ARHGEF26: variants seen among roughly 807,000 people sequenced by gnomAD.
ARHGEF26 encodes the protein Rho guanine nucleotide exchange factor 26.
ARHGEF26 carries 59 observed loss-of-function variants against 89.4 expected under a neutral mutation model. The observed-to-expected ratio is 0.66, with a 90% CI of 0.54 to 0.82. The LOEUF is 0.82. ARHGEF26 is among the 40% of genes least tolerant of loss of function. The pLI is 0.00. For synonymous variants in ARHGEF26, 500 were observed against 428.4 expected (o/e 1.17, Z -2.06); for missense variants, 1,234 against 1,085.6 (o/e 1.14, Z -1.92).
At chr3:154,235,253 T>G (rs1205947752) in intron 11 of ARHGEF26, among the ~76,000 whole-genome samples, 1 of 152,220 alleles carries the variant, frequency 6.6e-6, no homozygotes, top group East Asian at 1.9e-4. Context: ...TTTCTATTCA[T>G]TAATTTGGGC....
At chr3:154,137,268 AAG>A (rs553679851) in intron 4 of ARHGEF26, among the ~76,000 whole-genome samples, 112 of 152,214 alleles carry the variant, frequency 7.4e-4, no homozygotes, top group African/African-American at 2.6e-3. Context: ...TAGGAAGAGG[AAG>A]AGAGACCTGA....
chr3:154,239,283 AGAGAGAGAGAGAGAGAGTGTGTGTGTGT>A (rs1220992593), intron 11 of ARHGEF26, among the ~76,000 whole-genome samples: 27 of 104,158 alleles, frequency 2.6e-4, no homozygotes, highest in Middle Eastern at 5.0e-3. Context: ...AGAGAGAGAG[AGAGAGAGAGAGAGAGAGTGTGTGTGTGT>A]GTGTGTGTGT....
intron 12 of ARHGEF26, among the ~76,000 whole-genome samples, chr3:154,251,716 C>T (rs1324691166): frequency 6.6e-6 from 1 of 151,986 alleles, no homozygotes; most frequent in Non-Finnish European, 1.5e-5. Context: ...ATATGTTGAG[C>T]AAAAGAAGCC....
At position 154,194,736 on chromosome 3, in the gene ARHGEF26, G is replaced by A; in HGVS notation, c.1845+18G>A. 1.2e-6 allele frequency: 2 copies of A among 1,603,752 alleles called. No homozygotes were observed. Among genetic ancestry groups the A allele is most frequent in the Non-Finnish European group, 1.7e-6 (2 of 1,173,310 alleles). On this transcript the variant is annotated intron_variant, in intron 9 of 14. Coordinates refer to ENST00000465093, the MANE Select transcript of ARHGEF26 (RefSeq NM_015595.4). Reference sequence around the variant, plus strand: ...TTAGCAAGGTAACTGTTGGGTGACAGTTTGTTTGTAAGACAGGAAACCATT... The same window carrying A: ...TTAGCAAGGTAACTGTTGGGTGACAATTTGTTTGTAAGACAGGAAACCATT...
chr3:154,245,394 T>C (rs1717744956), intron 12 of ARHGEF26, among the ~76,000 whole-genome samples: 1 of 152,232 alleles, frequency 6.6e-6, no homozygotes, highest in African/African-American at 2.4e-5. Context: ...TAGGATATCA[T>C]ATGGGTTAGA....
intron 6 of ARHGEF26, among the ~76,000 whole-genome samples, chr3:154,183,779 A>G (rs545181966): frequency 1.3e-5 from 2 of 152,182 alleles, no homozygotes; most frequent in Non-Finnish European, 2.9e-5. Flanking sequence ...TACTTTGGCA[A>G]ACCTTTCACA....
At chr3:154,138,535 C>T (rs1479372408) in intron 4 of ARHGEF26, among the ~76,000 whole-genome samples, 3 of 152,146 alleles carry the variant, frequency 2.0e-5, no homozygotes, top group African/African-American at 7.2e-5. Context: ...ATTGATTCTT[C>T]TGAGAGAACA....
chr3:154,235,428 AT>A (rs1323274681), intron 11 of ARHGEF26, among the ~76,000 whole-genome samples: 1 of 152,158 alleles, frequency 6.6e-6, no homozygotes, highest in Non-Finnish European at 1.5e-5. Context: ...TACAAAAGCC[AT>A]TTTTTAACAC....
rs569156996 is a variant in ARHGEF26, at chr3:154,158,508, T to C, written c.1487+5576T>C. Among the ~76,000 whole-genome samples the C allele has an allele frequency of 2.0e-4, 31 of 152,292 alleles. 1 individual carries two copies. In the Middle Eastern group the frequency reaches 0.01, roughly 50 times the overall value. ...TAGAGCTAAATTCTTTAAATTTAGG[T>C]AGTACCTAGATGACTTTGGGTCAGT... On this transcript the variant is annotated intron_variant, in intron 6 of 14. Transcript: ENST00000465093.
rs1258528793 is a variant in ARHGEF26 at position 154,122,649 on chromosome 3, G to T, written c.657G>T (p.Arg219Ser). 5 of 1,613,906 alleles carry T rather than the reference G, an allele frequency of 3.1e-6. No homozygotes were observed. The highest frequency in any genetic ancestry group is 4.2e-6 in the Non-Finnish European group (5 of 1,179,894). Residue 219 changes from arginine (R) to serine (S), a missense_variant, in exon 2 of 15, where the codon AGG becomes AGT. Transcript: ENST00000465093. ...SSSEQKLPLQ[R>S]LPSQENELLE... ...CGGAACAAAAACTCCCCCTCCAAAG[G>T]CTGCCCTCCCAGGAGAACGAGCTCC...
intron 7 of ARHGEF26, among the ~76,000 whole-genome samples, chr3:154,190,530 A>AACAG (rs1198793773): frequency 1.3e-5 from 2 of 151,956 alleles, no homozygotes; most frequent in African/African-American, 2.4e-5. Flanking sequence ...CAAACAAACA[A>AACAG]ACCTGGGTTT....
At chr3:154,252,870 T>C (rs999750225) in intron 12 of ARHGEF26, among the ~76,000 whole-genome samples, 1 of 152,138 alleles carries the variant, frequency 6.6e-6, no homozygotes, top group Non-Finnish European at 1.5e-5. Flanking sequence ...AACTGTCATA[T>C]GGGAAGTTCC....
chr3:154,233,674 A>C (rs1385816435), intron 11 of ARHGEF26, among the ~76,000 whole-genome samples: 2 of 152,238 alleles, frequency 1.3e-5, no homozygotes, highest in African/African-American at 4.8e-5. Context: ...AGGCATTAGA[A>C]GATAGAGTTT....
chr3:154,178,219 A>C (rs1227102016), intron 6 of ARHGEF26, among the ~76,000 whole-genome samples: 1 of 152,130 alleles, frequency 6.6e-6, no homozygotes, highest in Non-Finnish European at 1.5e-5. Context: ...ACAATAAATA[A>C]ATAAATAAAA....
chr3:154,144,676 G>A (rs1719593811), intron 4 of ARHGEF26, among the ~76,000 whole-genome samples: 1 of 152,200 alleles, frequency 6.6e-6, no homozygotes, highest in African/African-American at 2.4e-5. Flanking sequence ...GTGATGCAGG[G>A]CATAGAGGAG....
intron 6 of ARHGEF26, among the ~76,000 whole-genome samples, chr3:154,166,453 G>T (rs1466604251): frequency 6.6e-6 from 1 of 152,184 alleles, no homozygotes; most frequent in Admixed American, 6.5e-5. Flanking sequence ...GAGAGGGAAC[G>T]TTCATGCTCT....
intron 8 of ARHGEF26, 89 bp from the exon 9 acceptor site, chr3:154,194,555 C>A: frequency 1.1e-6 from 1 of 903,634 alleles, no homozygotes; most frequent in Non-Finnish European, 1.7e-6. Flanking sequence ...GCATTGTTTG[C>A]TATGAGTAAA....
chr3:154,140,398 C>T (rs1338677264), intron 4 of ARHGEF26, among the ~76,000 whole-genome samples: 1 of 152,100 alleles, frequency 6.6e-6, no homozygotes, highest in Non-Finnish European at 1.5e-5. Flanking sequence ...CTGCAGTGAC[C>T]TCAAAAGATG....
At position 154,122,930 on chromosome 3, in the gene ARHGEF26, G is replaced by T; in HGVS notation, c.938G>T (p.Arg313Leu). Residue 313 changes from arginine (R) to leucine (L), a missense_variant, in exon 2 of 15, where the codon CGG (arginine) becomes CTG (leucine). Arg to Leu is a moderately radical substitution (Grantham distance 102, BLOSUM62 -2). Transcript: ENST00000465093. ...DSPGSLRRGLRSTSYRRAVVS... is the reference protein window; with the variant it reads ...DSPGSLRRGLLSTSYRRAVVS... ...CCAGGGTCTCTGCGGAGAGGCTTGC[G>T]GTCCACGTCTTATCGCAGGGCAGTG... The T allele has an allele frequency of 1.2e-6, 2 of 1,613,272 alleles. No homozygotes were observed. Among genetic ancestry groups the T allele is most frequent in the South Asian group, 1.1e-5 (1 of 90,898 alleles).
Sources: gnomAD v4.1 joint callset for allele counts (sites outside exome capture counted in the v4.1 genomes callset) on GRCh38, gnomAD v4.1.1 for gene constraint, MANE v1.5 for transcripts, NCBI Gene and HGNC (gene_info 2026-07-23, HGNC 2026-07-21) for gene names.